Variants in SCN7A observed in about 807,000 individuals in gnomAD.
SCN7A encodes sodium voltage-gated channel alpha subunit 7, also known as sodium channel protein type 7 subunit alpha.
In SCN7A, 138 loss-of-function variants were observed where a neutral mutation model predicts 155.2. That is an observed-to-expected ratio of 0.89 (90% CI 0.77 to 1.02). The LOEUF (loss-of-function observed/expected upper bound fraction) is 1.02, where lower values mean the gene tolerates loss of function less well. Ranked by LOEUF, SCN7A falls within the 50% of genes least tolerant of loss-of-function variation. SCN7A has a pLI of 0.00. For synonymous variants in SCN7A, 693 were observed against 649.0 expected, an observed-to-expected ratio of 1.07 and a Z score of -1.03; for missense variants, 2,058 against 1,986.6, an observed-to-expected ratio of 1.04 and a Z score of -0.68.
intron 11 of SCN7A, among the ~76,000 whole-genome samples, chr2:166,451,302 G>A (rs1350175820): frequency 6.6e-6 from 1 of 152,098 alleles, no homozygotes; most frequent in Non-Finnish European, 1.5e-5. Context: ...CCTTGATTGA[G>A]CTTCTTATAA....
chr2:166,493,637 T>C (rs1179143959), intron 1 of SCN7A, among the ~76,000 whole-genome samples: 1 of 152,216 alleles, frequency 6.6e-6, no homozygotes, highest in Non-Finnish European at 1.5e-5. Context: ...TTTTATACTA[T>C]CATTGTACCA....
intron 2 of SCN7A, among the ~76,000 whole-genome samples, chr2:166,479,186 CA>C (rs1386159044): frequency 6.6e-6 from 1 of 152,098 alleles, no homozygotes; most frequent in Non-Finnish European, 1.5e-5. Flanking sequence ...TATATACTCA[CA>C]CATATGTTCT....
At chr2:166,426,776 C>G (rs1445268470) in intron 18 of SCN7A, among the ~76,000 whole-genome samples, 1 of 152,028 alleles carries the variant, frequency 6.6e-6, no homozygotes, top group East Asian at 1.9e-4. Flanking sequence ...GTTTCTCAAT[C>G]TAAGTCACAA....
chr2:166,474,876 A>G (rs144296497), intron 3 of SCN7A, among the ~76,000 whole-genome samples: 4 of 151,634 alleles, frequency 2.6e-5, no homozygotes, highest in Non-Finnish European at 5.9e-5. Flanking sequence ...TATCTAAACC[A>G]GAAATTTATA....
At chr2:166,421,827 C>T (rs574760394) in intron 19 of SCN7A, among the ~76,000 whole-genome samples, 2 of 152,036 alleles carry the variant, frequency 1.3e-5, no homozygotes, top group Admixed American at 1.3e-4. Flanking sequence ...TAACCAGATA[C>T]TAAGGTAATC....
intron 10 of SCN7A, 55 bp from the exon 11 acceptor site, chr2:166,457,131 A>T: frequency 6.2e-6 from 8 of 1,290,964 alleles, no homozygotes; most frequent in Non-Finnish European, 8.5e-6. Context: ...ATCTTCCAGG[A>T]TTCTCCTATT....
Position 166,416,738 on chromosome 2 carries a change from A to T in SCN7A, c.3383T>A (p.Val1128Asp). 3 of 1,610,404 alleles carry T rather than the reference A, an allele frequency of 1.9e-6. No individual in the cohort carries two copies. The highest frequency in any genetic ancestry group is 2.5e-6 in the Non-Finnish European group (3 of 1,178,010). Residue 1128 changes from valine (V) to aspartate (D), a missense_variant, in exon 21 of 26, where the codon GTT (valine) becomes GAT (aspartate). Val to Asp is a radical substitution (Grantham distance 152, BLOSUM62 -3). Transcript: ENST00000643258. Reference sequence around the variant, plus strand: ...AAGCAGAGAAAGGAAACCATTTCCAACATTATCAAAGTTCATTTTTGCATT... The same window carrying T: ...AAGCAGAGAAAGGAAACCATTTCCATCATTATCAAAGTTCATTTTTGCATT... ...WENAKMNFDN[V>D]GNGFLSLLQV...
rs1701299318 is a variant in SCN7A at position 166,414,265 on chromosome 2, C to CACATATATATATAT, written c.3415-1145_3415-1144insATATATATATATGT. 1.0e-3 allele frequency among the ~76,000 whole-genome samples: 23 copies of CACATATATATATAT among 22,668 alleles called. 3 individuals carry two copies. The highest frequency in any genetic ancestry group is 8.7e-3 in the South Asian group (7 of 804). The allele number at this position is 22,668 out of a possible 152,430, so 14.9% of individuals were successfully genotyped here. On this transcript the variant is annotated intron_variant, in intron 21 of 25. Transcript: ENST00000643258. ...ATGTAAATATATATAGATATATATA[C>CACATATATATATAT]ACACACATATATATATATATACACA...
In SCN7A at chr2:166,406,377, C is replaced by G; in HGVS notation, c.4252G>C (p.Glu1418Gln). 6.2e-7 allele frequency: 1 copy of G among 1,613,044 alleles called. No homozygotes were observed. Among genetic ancestry groups the G allele is most frequent in the Non-Finnish European group, 8.5e-7 (1 of 1,179,370 alleles). Residue 1418 changes from glutamate (E) to glutamine (Q), a missense_variant, in exon 26 of 26, where the codon GAA becomes CAA. Glu to Gln is a conservative substitution (Grantham distance 29). Coordinates refer to ENST00000643258, the MANE Select transcript of SCN7A (RefSeq NM_002976.4). ...EAGINDVSNF[E>Q]TFGNSMLCLF... ...CAGAGCATACTGTTGCCAAAGGTTT[C>G]AAAATTAGACACATCATTAATTCCA... is the stretch of plus-strand genomic sequence containing the variant.
chr2:166,459,557 A>G (rs535569695), intron 10 of SCN7A, among the ~76,000 whole-genome samples: 3 of 152,346 alleles, frequency 2.0e-5, no homozygotes, highest in South Asian at 2.1e-4. Context: ...TATCCAAAAC[A>G]TATGCTATAC....
At chr2:166,435,335 G>A (rs1701815140) in intron 15 of SCN7A, among the ~76,000 whole-genome samples, 1 of 152,060 alleles carries the variant, frequency 6.6e-6, no homozygotes, top group Non-Finnish European at 1.5e-5. Context: ...AAAATGCAGA[G>A]ATTTGTATTA....
At chr2:166,420,142 T>C (rs1451293267) in intron 20 of SCN7A, among the ~76,000 whole-genome samples, 2 of 152,024 alleles carry the variant, frequency 1.3e-5, no homozygotes, top group Non-Finnish European at 2.9e-5. Flanking sequence ...ATAAAATACA[T>C]ATTTAAAATC....
chr2:166,431,707 G>A (rs1701735384), intron 16 of SCN7A, among the ~76,000 whole-genome samples: 1 of 151,970 alleles, frequency 6.6e-6, no homozygotes, highest in South Asian at 2.1e-4. Flanking sequence ...TTTTTTTAAA[G>A]CCAGTGCGTT....
chr2:166,408,513 C>A (rs1701125219), intron 25 of SCN7A, among the ~76,000 whole-genome samples: 1 of 151,972 alleles, frequency 6.6e-6, no homozygotes, highest in African/African-American at 2.4e-5. Flanking sequence ...CTTTTCCTTC[C>A]AGTTCTCTGA....
chr2:166,468,993 G>A (rs926138444), intron 7 of SCN7A, among the ~76,000 whole-genome samples: 3 of 150,850 alleles, frequency 2.0e-5, no homozygotes, highest in Non-Finnish European at 4.4e-5. Flanking sequence ...ATGTCTAAGT[G>A]TGTATTGTAG....
chr2:166,431,873 T>C (rs1701738633), intron 16 of SCN7A, among the ~76,000 whole-genome samples: 1 of 152,070 alleles, frequency 6.6e-6, no homozygotes, highest in African/African-American at 2.4e-5. Context: ...TCTAATTCAA[T>C]CTCCCATTTT....
chr2:166,465,359 G>A, intron 9 of SCN7A, 103 bp downstream of exon 9: 5 of 822,608 alleles, frequency 6.1e-6, no homozygotes, highest in Non-Finnish European at 9.8e-6. Flanking sequence ...GATGAAATGA[G>A]ATAATACAAT....
chr2:166,472,328 T>TA lies in SCN7A; in HGVS notation c.560dup (p.Thr188AsnfsTer4). 1 of 1,605,092 alleles carries TA rather than the reference T, an allele frequency of 6.2e-7. No homozygotes were observed. On this transcript the variant is annotated frameshift_variant, in exon 6 of 26. Coordinates refer to ENST00000643258, the MANE Select transcript of SCN7A (RefSeq NM_002976.4). LOFTEE classifies it high-confidence loss of function. ...AAAGAAATACTCACTCAAACACAGT[T>TA]ACGCTGAAATCGAGCCAGTTCCATG...
intron 10 of SCN7A, among the ~76,000 whole-genome samples, chr2:166,457,364 G>A (rs1270628164): frequency 6.6e-6 from 1 of 152,192 alleles, no homozygotes; most frequent in Non-Finnish European, 1.5e-5. Flanking sequence ...CATTGATAGA[G>A]AAAATACATT....
Sources: allele counts gnomAD v4.1 joint callset (sites outside exome capture counted in the v4.1 genomes callset), GRCh38; gene constraint gnomAD v4.1.1; transcripts MANE v1.5; gene names NCBI Gene and HGNC (gene_info 2026-07-23, HGNC 2026-07-21).